Variants in PHF24 observed in about 807,000 individuals in gnomAD.
PHF24 encodes the protein Galpha inhibitory interacting protein.
A neutral mutation model predicts 42.6 loss-of-function variants in PHF24; 25 were observed. That is an observed-to-expected ratio of 0.59 (90% CI 0.43 to 0.82). PHF24 has a LOEUF of 0.82. Ranked by LOEUF, PHF24 falls within the 40% of genes least tolerant of loss-of-function variation. PHF24 has a pLI of 0.00. For synonymous variants in PHF24, 185 were observed against 204.8 expected (o/e 0.90, Z 0.83); for missense variants, 470 against 538.1 (o/e 0.87, Z 1.25).
chr9:34,834,088 G>C, the PHF24 span: 1 of 1,500,908 alleles, frequency 6.7e-7, no homozygotes, highest in Non-Finnish European at 9.0e-7. Context: ...TTGGCATCCA[G>C]GGCATAACTT....
At chr9:34,707,168 G>C in the PHF24 span, among the ~76,000 whole-genome samples, 1 of 152,218 alleles carries the variant, frequency 6.6e-6, no homozygotes, top group African/African-American at 2.4e-5. Context: ...AGATGGCTTC[G>C]GGGGTATCTG....
the PHF24 span, among the ~76,000 whole-genome samples, chr9:34,850,729 T>G: frequency 6.6e-6 from 1 of 152,168 alleles, no homozygotes; most frequent in African/African-American, 2.4e-5. Context: ...TCTTTGTGGT[T>G]TTATCTACTT....
chr9:34,746,504 T>C, the PHF24 span, among the ~76,000 whole-genome samples: 4 of 152,172 alleles, frequency 2.6e-5, no homozygotes, highest in Non-Finnish European at 4.4e-5. Context: ...AAGTGCAAGA[T>C]TGAAAGAGCA....
At chr9:34,707,008 A>G in the PHF24 span, among the ~76,000 whole-genome samples, 2 of 152,008 alleles carry the variant, frequency 1.3e-5, no homozygotes, top group Non-Finnish European at 2.9e-5. Flanking sequence ...GTAAACTTGT[A>G]AACTTGGGGA....
chr9:34,826,980 A>C, the PHF24 span, among the ~76,000 whole-genome samples: 1 of 152,186 alleles, frequency 6.6e-6, no homozygotes, highest in Non-Finnish European at 1.5e-5. Flanking sequence ...GTCATAGGCT[A>C]TGACCCCTAT....
In PHF24 at chr9:34,971,281, C is replaced by T; in HGVS notation, c.-4-14C>T. 1.9e-6 allele frequency: 3 copies of T among 1,577,836 alleles called. No homozygotes were observed. Among genetic ancestry groups the T allele is most frequent in the Admixed American group, 1.7e-5 (1 of 58,050 alleles). On this transcript the variant is annotated splice_polypyrimidine_tract_variant and intron_variant, in intron 1 of 7. Transcript: ENST00000242315. ...CATTGGCTGAACCTGTGCCCCTCTGCTTTTTGTCCACAGAGCCATGGGGGT... is the reference window on the plus strand; with the variant it reads ...CATTGGCTGAACCTGTGCCCCTCTGTTTTTTGTCCACAGAGCCATGGGGGT...
chr9:34,777,259 G>A, the PHF24 span, among the ~76,000 whole-genome samples: 1 of 152,166 alleles, frequency 6.6e-6, no homozygotes, highest in Non-Finnish European at 1.5e-5. Context: ...AGGTTCTCAG[G>A]ACCCTGGGAA....
At chr9:34,759,879 C>T in the PHF24 span, among the ~76,000 whole-genome samples, 2 of 152,206 alleles carry the variant, frequency 1.3e-5, no homozygotes, top group Admixed American at 1.3e-4. Flanking sequence ...AAAATAGTCT[C>T]ATGTCTTTTT....
chr9:34,723,389 A>G, the PHF24 span: 1 of 1,551,710 alleles, frequency 6.4e-7, no homozygotes, highest in Admixed American at 2.0e-5. Context: ...GGCTGGGCCC[A>G]CCAGCTTCTG....
chr9:34,793,118 T>C, the PHF24 span, among the ~76,000 whole-genome samples: 2 of 152,102 alleles, frequency 1.3e-5, no homozygotes, highest in African/African-American at 4.8e-5. Flanking sequence ...TATTATATAA[T>C]TCTTATGAGA....
Position 34,977,080 on chromosome 9 carries a change from C to G in PHF24, c.850-3C>G. 1 of 1,587,236 alleles carries G rather than the reference C, an allele frequency of 6.3e-7. No individual in the cohort carries two copies. Among genetic ancestry groups the G allele is most frequent in the Non-Finnish European group, 8.6e-7 (1 of 1,166,140 alleles). ...CTCTAAGATCTTGTCTCTTCTTCCC[C>G]AGAACTCTCTGTTGAGGCTTCTGAC... On this transcript the variant is annotated splice_polypyrimidine_tract_variant and splice_region_variant and intron_variant, in intron 5 of 7. Coordinates refer to ENST00000242315, the Ensembl canonical transcript of PHF24.
the PHF24 span, chr9:34,918,175 A>G: frequency 6.7e-7 from 1 of 1,483,046 alleles, no homozygotes; most frequent in Non-Finnish European, 9.4e-7. Flanking sequence ...CAGGAGAAGA[A>G]GGGTTACTTT....
the PHF24 span, among the ~76,000 whole-genome samples, chr9:34,686,318 A>G: frequency 6.6e-6 from 1 of 152,206 alleles, no homozygotes; most frequent in South Asian, 2.1e-4. Context: ...CGAGAAGTTG[A>G]ATATGAGATG....
the PHF24 span, among the ~76,000 whole-genome samples, chr9:34,818,468 CA>C: frequency 2.0e-5 from 3 of 152,118 alleles, no homozygotes; most frequent in African/African-American, 7.2e-5. Flanking sequence ...ATTGATGTTG[CA>C]GATTACATTA....
chr9:34,861,750 A>G, the PHF24 span, among the ~76,000 whole-genome samples: 1 of 152,238 alleles, frequency 6.6e-6, no homozygotes, highest in Non-Finnish European at 1.5e-5. Flanking sequence ...AGGAATTGAC[A>G]TTGGAAAATT....
intron 3 of PHF24, among the ~76,000 whole-genome samples, chr9:34,974,495 C>T (rs1290913070): frequency 6.6e-6 from 1 of 152,174 alleles, no homozygotes; most frequent in Non-Finnish European, 1.5e-5. Context: ...AACATTACCT[C>T]CCACATTCTG....
rs115312494 is a variant in PHF24, at chr9:34,965,137, A to G, written c.-4-6158A>G. ...TTTTTACCTGGCACCAATCACTACC[A>G]CTTGTTTCTCTAAAAATTTGAGCTG... is the stretch of plus-strand genomic sequence containing the variant. On this transcript the variant is annotated intron_variant, in intron 1 of 7. Transcript: ENST00000242315. Among the ~76,000 whole-genome samples the G allele has an allele frequency of 3.0e-3, 462 of 152,198 alleles. 1 individual carries two copies. Among genetic ancestry groups the G allele is most frequent in the African/African-American group, 0.011 (442 of 41,522 alleles).
chr9:34,913,770 AAG>A, the PHF24 span, among the ~76,000 whole-genome samples: 1 of 152,136 alleles, frequency 6.6e-6, no homozygotes, highest in Non-Finnish European at 1.5e-5. Context: ...ACAGTAGGTA[AAG>A]AGAGCAAGGA....
chr9:34,680,347 C>G, the PHF24 span, among the ~76,000 whole-genome samples: 6 of 151,650 alleles, frequency 4.0e-5, no homozygotes, highest in Admixed American at 3.9e-4. Context: ...TGCACTCCAG[C>G]CTGGGCGACT....
Sources: gnomAD v4.1 joint callset for allele counts (sites outside exome capture counted in the v4.1 genomes callset) on GRCh38, gnomAD v4.1.1 for gene constraint, MANE v1.5 for transcripts, NCBI Gene and HGNC (gene_info 2026-07-23, HGNC 2026-07-21) for gene names.